Variants in KLHDC8A observed in about 807,000 individuals in gnomAD.
KLHDC8A encodes kelch domain containing 8A, also known as kelch domain-containing protein 8A.
A neutral mutation model predicts 33.1 loss-of-function variants in KLHDC8A; 21 were observed. The ratio of observed to expected loss-of-function variants is 0.64; its 90% CI spans 0.45 to 0.91. The LOEUF (loss-of-function observed/expected upper bound fraction) is 0.91. KLHDC8A is among the 40% of genes least tolerant of loss of function. The probability of loss-of-function intolerance (pLI) is 0.00; values close to 1 mark genes in which losing one functional copy is unlikely to be tolerated. For missense variants in KLHDC8A, 435 were observed against 483.3 expected (o/e 0.90, Z 0.94); for synonymous variants, 173 against 193.5 (o/e 0.89, Z 0.88).
Position 205,339,745 on chromosome 1 carries a change from T to A in KLHDC8A, c.440A>T (p.His147Leu). 1 of 1,614,132 alleles carries A rather than the reference T, an allele frequency of 6.2e-7. No homozygotes were observed. The change falls in exon 3 of 6, where the codon CAC becomes CTC. Residue 147 changes from histidine to leucine, a missense_variant. Physicochemically the swap from His to Leu is moderately conservative, Grantham distance 99. Transcript: ENST00000367155. This position sits in a 1 kb window ranked among gnomAD's most constrained non-coding sequence, Gnocchi z 5.1. ...CCACATGTCCTTCAGCATGTCATAG[T>A]GTTGGAGGTGGTTGTGTGGACGTAG... Reference protein sequence around the residue: ...LDLRPHNHLQHYDMLKDMWVS... With the variant: ...LDLRPHNHLQLYDMLKDMWVS...
chr1:205,356,613 G>A lies in KLHDC8A; in HGVS notation c.-270C>T, dbSNP rs1218416865. On this transcript the variant is annotated 5_prime_UTR_variant, in exon 1 of 6. Transcript: ENST00000367155. Reference sequence around the variant, plus strand: ...GGGAGGGGCCGGGAGAGGGTCGAGCGGGTGTTGGCTCTGAGGCTTGTCCTA... The same window carrying A: ...GGGAGGGGCCGGGAGAGGGTCGAGCAGGTGTTGGCTCTGAGGCTTGTCCTA... 4.4e-6 allele frequency: 2 copies of A among 456,106 alleles called. No individual in the cohort carries two copies. Among genetic ancestry groups the A allele is most frequent in the Admixed American group, 2.3e-5 (1 of 42,564 alleles). 28.3% of individuals were successfully genotyped at this position (456,106 alleles called of 1,614,324 possible).
intron 1 of KLHDC8A, among the ~76,000 whole-genome samples, chr1:205,354,786 A>G (rs140922296): frequency 1.3e-5 from 2 of 152,250 alleles, no homozygotes; most frequent in African/African-American, 4.8e-5. Flanking sequence ...TGAATGGATG[A>G]ATAAGGCAAT....
Position 205,337,247 on chromosome 1 carries a change from G to A in KLHDC8A, c.*152C>T. The A allele has an allele frequency of 1.6e-6, 1 of 633,110 alleles. No homozygotes were observed. The highest frequency in any genetic ancestry group is 1.9e-5 in the South Asian group (1 of 53,442). 39.2% of individuals were successfully genotyped at this position (633,110 alleles called of 1,614,324 possible). On this transcript the variant is annotated 3_prime_UTR_variant, in exon 6 of 6. Coordinates refer to ENST00000367155, the MANE Select transcript of KLHDC8A (RefSeq NM_018203.3). ...GATTGGTAGGATTTGGAGCTATAGA[G>A]AGGTCAACTTAGAGCCCCAAGGCCA...
At chr1:205,341,643 CTT>C (rs1332626682) in intron 2 of KLHDC8A, among the ~76,000 whole-genome samples, 1 of 121,388 alleles carries the variant, frequency 8.2e-6, no homozygotes, top group African/African-American at 3.0e-5. Context: ...ACTGAATAAT[CTT>C]TGTTTCTTTT....
chr1:205,351,322 C>T (rs2102299068), intron 1 of KLHDC8A: 3 of 916,428 alleles, frequency 3.3e-6, no homozygotes, highest in East Asian at 2.4e-5. Context: ...TGGTGGCAGA[C>T]ATGTCCAAGG....
At position 205,343,665 on chromosome 1, in the gene KLHDC8A, C is replaced by G; in HGVS notation, c.-61G>C. 1.3e-6 allele frequency: 2 copies of G among 1,492,278 alleles called. No homozygotes were observed. The highest frequency in any genetic ancestry group is 1.8e-6 in the Non-Finnish European group (2 of 1,122,240). 92.4% of individuals were successfully genotyped at this position (1,492,278 alleles called of 1,614,324 possible). On this transcript the variant is annotated 5_prime_UTR_variant, in exon 2 of 6. Coordinates refer to ENST00000367155, the MANE Select transcript of KLHDC8A (RefSeq NM_018203.3). ...TGCGAGCGCGGGGGTCCACCGGCTA[C>G]TTGGCGCCGGCTCCCACGGCCCCTA...
At chr1:205,354,333 A>G (rs2102304109) in intron 1 of KLHDC8A, among the ~76,000 whole-genome samples, 1 of 152,386 alleles carries the variant, frequency 6.6e-6, no homozygotes, top group Non-Finnish European at 1.5e-5. Context: ...AACTTTAGGT[A>G]CTAATTACAA....
intron 1 of KLHDC8A, among the ~76,000 whole-genome samples, chr1:205,353,588 T>G (rs1051573216): frequency 8.5e-5 from 13 of 152,166 alleles, no homozygotes; most frequent in Admixed American, 8.5e-4. Flanking sequence ...CAGGCTGGAG[T>G]GCAGTGGCAC....
chr1:205,345,672 C>T (rs1378323737), intron 1 of KLHDC8A, among the ~76,000 whole-genome samples: 12 of 152,084 alleles, frequency 7.9e-5, no homozygotes, highest in African/African-American at 2.9e-4. Context: ...GCCTGGGAGG[C>T]GGAGATTGCA....
chr1:205,339,651 G>A lies in KLHDC8A; in HGVS notation c.534C>T (p.Tyr178=), dbSNP rs771693810. 29 of 1,613,972 alleles carry A rather than the reference G, an allele frequency of 1.8e-5. 1 individual carries two copies. The highest frequency in any genetic ancestry group is 1.7e-4 in the Admixed American group (10 of 59,994). ...ATSFLRGSKI[Y]VLGGRQSKYA... ...ACAGTAACCTGTCCTTACCCAGCACGTAGATCTTGGAGCCTCGGAGGAAGG... is the reference window on the plus strand; with the variant it reads ...ACAGTAACCTGTCCTTACCCAGCACATAGATCTTGGAGCCTCGGAGGAAGG... The change falls in exon 3 of 6, where the codon TAC becomes TAT. Residue 178 remains tyrosine, a synonymous_variant. Transcript: ENST00000367155. This position sits in a 1 kb window ranked among gnomAD's most constrained non-coding sequence, Gnocchi z 5.1.
intron 1 of KLHDC8A, among the ~76,000 whole-genome samples, chr1:205,345,979 C>T (rs564957902): frequency 6.6e-6 from 1 of 152,350 alleles, no homozygotes; most frequent in East Asian, 1.9e-4. Flanking sequence ...AAGGCAGAGG[C>T]AGGAGAATCA....
At chr1:205,354,313 A>G (rs1663202540) in intron 1 of KLHDC8A, among the ~76,000 whole-genome samples, 1 of 152,152 alleles carries the variant, frequency 6.6e-6, no homozygotes, top group Non-Finnish European at 1.5e-5. Flanking sequence ...CTCTTGAATG[A>G]CTCTGATGTA....
chr1:205,340,076 A>G (rs1251338373), intron 2 of KLHDC8A, among the ~76,000 whole-genome samples: 1 of 151,740 alleles, frequency 6.6e-6, no homozygotes, highest in African/African-American at 2.4e-5. Flanking sequence ...GGAGTGTGGC[A>G]TAATCATGGT....
intron 2 of KLHDC8A, among the ~76,000 whole-genome samples, chr1:205,341,399 C>T (rs994300343): frequency 1.3e-5 from 2 of 151,936 alleles, no homozygotes; most frequent in Non-Finnish European, 2.9e-5. Context: ...GGCTGGAAGA[C>T]GGTGCCTGCT....
At position 205,339,425 on chromosome 1, in the gene KLHDC8A, GGATAGA is replaced by G; in HGVS notation, c.542-22_542-17del. On this transcript the variant is annotated splice_polypyrimidine_tract_variant and intron_variant, in intron 3 of 5. Coordinates refer to ENST00000367155, the MANE Select transcript of KLHDC8A (RefSeq NM_018203.3). This position sits in a 1 kb window ranked among gnomAD's most constrained non-coding sequence, Gnocchi z 5.1. The stretch of plus-strand genomic sequence containing the variant: ...TGTCGTCCCCCTGGGGGCCAGAGCA[GGATAGA>G]GGTTGGGCAGAAGGGTTGTCCCTGA... 1 of 1,609,782 alleles carries G rather than the reference GGATAGA, an allele frequency of 6.2e-7. No individual in the cohort carries two copies. Among genetic ancestry groups the G allele is most frequent in the South Asian group, 1.1e-5 (1 of 90,668 alleles).
At position 205,338,483 on chromosome 1, in the gene KLHDC8A, C is replaced by T. The variant is rs370686970; in HGVS notation, c.859+12G>A. On this transcript the variant is annotated intron_variant, in intron 5 of 5. Coordinates refer to ENST00000367155, the MANE Select transcript of KLHDC8A (RefSeq NM_018203.3). ...ACCACAATAAATTCCAGCGTGAAAG[C>T]GCCATCCTTACCAAGTCCCCCAGCC... is the stretch of plus-strand genomic sequence containing the variant. 1.6e-5 allele frequency: 26 copies of T among 1,598,390 alleles called. No homozygotes were observed. The highest frequency in any genetic ancestry group is 1.6e-4 in the Middle Eastern group (1 of 6,070).
Position 205,343,557 on chromosome 1 carries a change from T to C in KLHDC8A, c.48A>G (p.Pro16=), listed in dbSNP as rs779065838. ...VKDFQWKRLA[P]LPSRRVYCSL... is the part of the protein sequence containing the mutation. ...AGCAGTAGACCCGGCGGCTGGGCAG[T>C]GGCGCCAGGCGCTTCCACTGGAAGT... Residue 16 remains proline (P), a synonymous_variant, in exon 2 of 6, where the codon CCA becomes CCG. Coordinates refer to ENST00000367155, the MANE Select transcript of KLHDC8A (RefSeq NM_018203.3). The C allele has an allele frequency of 6.2e-7, 1 of 1,611,408 alleles. No individual in the cohort carries two copies. Among genetic ancestry groups the C allele is most frequent in the South Asian group, 1.1e-5 (1 of 91,024 alleles).
chr1:205,345,081 T>G (rs936050724), intron 1 of KLHDC8A, among the ~76,000 whole-genome samples: 1 of 152,190 alleles, frequency 6.6e-6, no homozygotes, highest in Non-Finnish European at 1.5e-5. Flanking sequence ...AAGGTGCCCA[T>G]GAGGCCAGAG....
chr1:205,346,777 T>C (rs945171848), intron 1 of KLHDC8A, among the ~76,000 whole-genome samples: 3 of 152,218 alleles, frequency 2.0e-5, no homozygotes, highest in Non-Finnish European at 2.9e-5. Context: ...TTGTGCCTTA[T>C]GAAGGAAACC....
Sources: gnomAD v4.1 joint callset for allele counts (sites outside exome capture counted in the v4.1 genomes callset) on GRCh38, gnomAD v4.1.1 for gene constraint, Gnocchi (gnomAD v3.1) non-coding constraint, MANE v1.5 for transcripts, NCBI Gene and HGNC (gene_info 2026-07-23, HGNC 2026-07-21) for gene names.